Variants in NBAS observed in about 807,000 individuals in gnomAD.
NBAS encodes the protein NAG/BC035112 fusion.
NBAS carries 219 observed loss-of-function variants against 302.5 expected under a neutral mutation model. The observed-to-expected ratio is 0.72, with a 90% CI of 0.65 to 0.81. NBAS has a LOEUF of 0.81. Ranked by LOEUF, NBAS falls within the 30% of genes least tolerant of loss-of-function variation. The probability of loss-of-function intolerance (pLI) is 0.00; values close to 1 mark genes in which losing one functional copy is unlikely to be tolerated. For missense variants in NBAS, 2,932 were observed against 2,841.6 expected (o/e 1.03, Z -0.72); for synonymous variants, 1,118 against 1,021.6 (o/e 1.09, Z -1.80).
At chr2:15,137,310 A>G in the NBAS span, among the ~76,000 whole-genome samples, 1 of 152,208 alleles carries the variant, frequency 6.6e-6, no homozygotes, top group Non-Finnish European at 1.5e-5. Context: ...ATCTAGTCAA[A>G]TTGTTTCCAG....
intron 21 of NBAS, among the ~76,000 whole-genome samples, chr2:15,443,774 C>A (rs1384359638): frequency 6.6e-6 from 1 of 151,864 alleles, no homozygotes; most frequent in Non-Finnish European, 1.5e-5. Context: ...AGCCCAAAAT[C>A]TCCTTAAGCT....
intron 7 of NBAS, among the ~76,000 whole-genome samples, chr2:15,538,711 A>C (rs560889601): frequency 7.2e-5 from 11 of 152,242 alleles, no homozygotes; most frequent in African/African-American, 2.6e-4. Flanking sequence ...TTTTGTTCCC[A>C]CTCAATCTTA....
chr2:14,790,929 C>T, the NBAS span, among the ~76,000 whole-genome samples: 2 of 152,184 alleles, frequency 1.3e-5, no homozygotes, highest in Non-Finnish European at 2.9e-5. Flanking sequence ...GATCTTGGCT[C>T]ACAGCAACCT....
At chr2:15,054,983 T>C in the NBAS span, among the ~76,000 whole-genome samples, 13 of 152,190 alleles carry the variant, frequency 8.5e-5, no homozygotes, top group Admixed American at 7.2e-4. Context: ...TTTTAAAGTC[T>C]TGTGGCAAGG....
intron 48 of NBAS, among the ~76,000 whole-genome samples, chr2:15,217,702 T>G (rs1455645643): frequency 6.6e-6 from 1 of 152,230 alleles, no homozygotes; most frequent in Non-Finnish European, 1.5e-5. Flanking sequence ...CAATTTAGAA[T>G]TTAAGCCAAA....
At chr2:15,094,509 A>G in the NBAS span, among the ~76,000 whole-genome samples, 1 of 133,260 alleles carries the variant, frequency 7.5e-6, no homozygotes, top group Non-Finnish European at 1.6e-5. Flanking sequence ...ATCATGGGGG[A>G]AAAAATATAA....
In NBAS at chr2:15,238,552, A is replaced by G. The variant is rs545302242; in HGVS notation, c.5859T>C (p.Asp1953=). The change falls in exon 45 of 52, where the codon GAT becomes GAC. Residue 1953 remains aspartate (D), a synonymous_variant. Transcript: ENST00000281513. ...GTGATTTCTCCAGATGATTCAAAGT[A>G]TCTGCATAGGTAACTTTAGAATCCT... ...EAKDSKVTYA[D]TLNHLEKSLA... is the part of the protein sequence containing the mutation. 6.2e-7 allele frequency: 1 copy of G among 1,614,172 alleles called. No individual in the cohort carries two copies. The highest frequency in any genetic ancestry group is 1.7e-5 in the Admixed American group (1 of 60,020).
chr2:15,252,616 C>A (rs1668416274), intron 44 of NBAS, among the ~76,000 whole-genome samples: 1 of 151,980 alleles, frequency 6.6e-6, no homozygotes, highest in South Asian at 2.1e-4. Flanking sequence ...CCAGGTGCTA[C>A]CTACAGAGTG....
At chr2:14,947,290 A>G in the NBAS span, among the ~76,000 whole-genome samples, 1 of 152,102 alleles carries the variant, frequency 6.6e-6, no homozygotes, top group African/African-American at 2.4e-5. Flanking sequence ...CCAAGAAAAA[A>G]GAGAGAAGAC....
chr2:15,041,439 T>C, the NBAS span, among the ~76,000 whole-genome samples: 1 of 152,230 alleles, frequency 6.6e-6, no homozygotes, highest in African/African-American at 2.4e-5. Context: ...GAGAAACAGC[T>C]GCAGGGTGGG....
At chr2:14,994,324 T>C in the NBAS span, among the ~76,000 whole-genome samples, 2 of 152,180 alleles carry the variant, frequency 1.3e-5, no homozygotes, top group African/African-American at 4.8e-5. Flanking sequence ...TTGTTTCCAG[T>C]AGTGGGAATA....
chr2:15,325,382 T>TAAA (rs72159003), intron 38 of NBAS, among the ~76,000 whole-genome samples: 75 of 151,250 alleles, frequency 5.0e-4, no homozygotes, highest in African/African-American at 1.4e-3. Flanking sequence ...CCTTTATTGC[T>TAAA]AAAAAAAAAG....
intron 10 of NBAS, among the ~76,000 whole-genome samples, chr2:15,505,711 G>A (rs545591106): frequency 6.6e-6 from 1 of 152,232 alleles, no homozygotes; most frequent in East Asian, 1.9e-4. Flanking sequence ...GCAGACATGA[G>A]AAGACAAAAG....
the NBAS span, among the ~76,000 whole-genome samples, chr2:14,859,566 C>A: frequency 1.3e-5 from 2 of 151,958 alleles, no homozygotes; most frequent in Non-Finnish European, 1.5e-5. Flanking sequence ...ACAAAGGTAC[C>A]AAGAACATGC....
the NBAS span, among the ~76,000 whole-genome samples, chr2:14,974,220 A>C: frequency 6.6e-6 from 1 of 152,338 alleles, no homozygotes; most frequent in East Asian, 1.9e-4. Context: ...TGTCTTTGGA[A>C]ACTTTGAATT....
chr2:15,096,011 G>A, the NBAS span, among the ~76,000 whole-genome samples: 26 of 152,272 alleles, frequency 1.7e-4, 1 homozygote, highest in African/African-American at 5.8e-4. Flanking sequence ...AGCTCCCTTC[G>A]GGAACTCCTC....
the NBAS span, among the ~76,000 whole-genome samples, chr2:15,009,501 T>A: frequency 6.6e-6 from 1 of 151,434 alleles, no homozygotes; most frequent in Non-Finnish European, 1.5e-5. Context: ...TTACCTCAAG[T>A]GGGCTCAGTA....
rs183519949 is a variant in NBAS at position 15,172,819 on chromosome 2, G to A, written c.6841-5496C>T. 3.5e-3 allele frequency among the ~76,000 whole-genome samples: 529 copies of A among 152,300 alleles called. 2 individuals are homozygous for A. Among genetic ancestry groups the A allele is most frequent in the Non-Finnish European group, 5.7e-3 (387 of 68,020 alleles). On this transcript the variant is annotated intron_variant, in intron 51 of 51. Coordinates refer to ENST00000281513, the MANE Select transcript of NBAS (RefSeq NM_015909.4). ...TAACTTTGAATTACAGTGAGAGATAGTCTGGTGCTATGAAAAGAAGACAGG... is the reference window on the plus strand; with the variant it reads ...TAACTTTGAATTACAGTGAGAGATAATCTGGTGCTATGAAAAGAAGACAGG...
chr2:14,945,384 T>C, the NBAS span, among the ~76,000 whole-genome samples: 1 of 152,138 alleles, frequency 6.6e-6, no homozygotes, highest in African/African-American at 2.4e-5. Context: ...GACACAGACC[T>C]ACATCACAGA....
Sources: gnomAD v4.1 joint callset for allele counts (sites outside exome capture counted in the v4.1 genomes callset) on GRCh38, gnomAD v4.1.1 for gene constraint, MANE v1.5 for transcripts, NCBI Gene and HGNC (gene_info 2026-07-23, HGNC 2026-07-21) for gene names.